SLC12A2: variants seen among roughly 807,000 people sequenced by gnomAD.
The protein encoded by SLC12A2 is solute carrier family 12 member 2.
In SLC12A2, 67 loss-of-function variants were observed where a neutral mutation model predicts 136.3. The ratio of observed to expected loss-of-function variants is 0.49; its 90% confidence interval spans 0.40 to 0.60. The LOEUF (loss-of-function observed/expected upper bound fraction) is 0.60, where lower values mean the gene tolerates loss of function less well. Ranked by LOEUF, SLC12A2 falls within the 20% of genes least tolerant of loss-of-function variation. The pLI, the probability that SLC12A2 is intolerant of heterozygous loss-of-function variation, is 0.00. For synonymous variants in SLC12A2, 619 were observed against 562.9 expected (o/e 1.10, Z -1.41); for missense variants, 1,322 against 1,534.7 (o/e 0.86, Z 2.32).
In SLC12A2 at chr5:128,119,444, A is replaced by G. The variant is rs534296346; in HGVS notation, c.1048+4763A>G. 3.9e-5 allele frequency among the ~76,000 whole-genome samples: 6 copies of G among 152,316 alleles called. 1 individual carries two copies. In the South Asian group the frequency reaches 1.2e-3, roughly 32 times the overall value. ...TAGTTTCAGCTTTCTACATGTGGCT[A>G]TCCAGTTTTCCCAGCACCATTTATT... On this transcript the variant is annotated intron_variant, in intron 4 of 26. Transcript: ENST00000262461.
At chr5:128,114,167 A>G (rs1477598334) in intron 2 of SLC12A2, 45 bp from the exon 3 acceptor site, 1 of 1,348,488 alleles carries the variant, frequency 7.4e-7, no homozygotes, top group Admixed American at 1.7e-5. Context: ...ATAATGTTTG[A>G]TTATTCTTCT....
At position 128,092,901 on chromosome 5, in the gene SLC12A2, C is replaced by A. The variant is rs574674897; in HGVS notation, c.756+8191C>A. ...ACTTCTGTTAAAGAAATTTGAGTAG[C>A]TTCTATCTGACAGAAAAAGCGGAAT... is the stretch of plus-strand genomic sequence containing the variant. On this transcript the variant is annotated intron_variant, in intron 1 of 26. Coordinates refer to ENST00000262461, the MANE Select transcript of SLC12A2 (RefSeq NM_001046.3). Among the ~76,000 whole-genome samples the A allele has an allele frequency of 9.2e-5, 14 of 152,260 alleles. 1 individual carries two copies. Among genetic ancestry groups the A allele is most frequent in the African/African-American group, 3.1e-4 (13 of 41,568 alleles).
At chr5:128,092,685 T>G (rs1272664225) in intron 1 of SLC12A2, among the ~76,000 whole-genome samples, 1 of 152,182 alleles carries the variant, frequency 6.6e-6, no homozygotes, top group Non-Finnish European at 1.5e-5. Flanking sequence ...AAACCCCGTG[T>G]GTTTTTCACA....
chr5:128,157,420 A>G (rs1359069295), intron 15 of SLC12A2, among the ~76,000 whole-genome samples: 1 of 152,204 alleles, frequency 6.6e-6, no homozygotes, highest in Non-Finnish European at 1.5e-5. Context: ...TTCTAGTTCA[A>G]GTAGAAATCT....
intron 5 of SLC12A2, among the ~76,000 whole-genome samples, chr5:128,133,556 T>G (rs1276386336): frequency 6.6e-6 from 1 of 152,100 alleles, no homozygotes; most frequent in Non-Finnish European, 1.5e-5. Context: ...AAATTATGTT[T>G]TAGTTTTTTT....
chr5:128,153,383 T>C (rs756024777), intron 15 of SLC12A2, among the ~76,000 whole-genome samples: 79 of 152,046 alleles, frequency 5.2e-4, no homozygotes, highest in Non-Finnish European at 7.5e-4. Flanking sequence ...GGTGAAACCT[T>C]GTCTCTACTA....
intron 10 of SLC12A2, among the ~76,000 whole-genome samples, chr5:128,142,395 G>C (rs935233501): frequency 6.6e-6 from 1 of 152,142 alleles, no homozygotes; most frequent in Admixed American, 6.6e-5. Context: ...GAGCCACTGC[G>C]TCTGGCCAGT....
At chr5:128,168,890 A>AT (rs1337144614) in intron 18 of SLC12A2, 1 of 152,130 alleles carries the variant, frequency 6.6e-6, no homozygotes, top group Non-Finnish European at 1.5e-5. Flanking sequence ...TGACCCAGGT[A>AT]TTGGGGACCC....
intron 1 of SLC12A2, among the ~76,000 whole-genome samples, chr5:128,099,789 AC>A (rs923133812): frequency 6.6e-6 from 1 of 152,112 alleles, no homozygotes; most frequent in Admixed American, 6.6e-5. Flanking sequence ...TATCACTTTC[AC>A]CCCCACACCT....
rs1763881058 is a variant in SLC12A2, at chr5:128,186,706, C to T, written c.*75C>T. ...GTAGTAACTGAAATCTTCAATGACA[C>T]ATTAACATCACAATGGCGAATGGTG... is the stretch of plus-strand genomic sequence containing the variant. On this transcript the variant is annotated 3_prime_UTR_variant, in exon 27 of 27. Transcript: ENST00000262461. 7.1e-7 allele frequency: 1 copy of T among 1,403,018 alleles called. No homozygotes were observed. The highest frequency in any genetic ancestry group is 1.3e-5 in the South Asian group (1 of 77,094). The allele number at this position is 1,403,018 out of a possible 1,614,324, so 86.9% of individuals were successfully genotyped here. A position where few individuals can be genotyped will look rare whatever the true frequency, so the allele number is the denominator to read the frequency against.
intron 18 of SLC12A2, chr5:128,169,927 A>G (rs1467851447): frequency 6.6e-6 from 1 of 152,170 alleles, no homozygotes; most frequent in Admixed American, 6.5e-5. Context: ...ATTCCTGTAC[A>G]TTAGGCAGCA....
At chr5:128,138,521 C>T in intron 7 of SLC12A2, 76 bp from the exon 8 acceptor site, 2 of 1,317,922 alleles carry the variant, frequency 1.5e-6, no homozygotes, top group Non-Finnish European at 2.1e-6. Flanking sequence ...GTCATGTATA[C>T]CTATTATTCT....
intron 17 of SLC12A2, among the ~76,000 whole-genome samples, chr5:128,162,927 A>G (rs2126735736): frequency 6.6e-6 from 1 of 152,194 alleles, no homozygotes; most frequent in East Asian, 1.9e-4. Context: ...TTCTTAAAAC[A>G]TTATGAGCTA....
intron 1 of SLC12A2, chr5:128,109,892 G>A: frequency 3.8e-6 from 3 of 793,564 alleles, no homozygotes; most frequent in South Asian, 2.7e-5. Context: ...TGAGAATTGT[G>A]ACTGGCCTTT....
rs70997362 is a variant in SLC12A2 at position 128,102,596 on chromosome 5, C to CTTTTTTTTTTTTTTTTTTTTTTTTTTTT, written c.757-10214_757-10187dup. On this transcript the variant is annotated intron_variant, in intron 1 of 26. Coordinates refer to ENST00000262461, the MANE Select transcript of SLC12A2 (RefSeq NM_001046.3). Reference sequence around the variant, plus strand: ...TTCTGTAATTCACCCCCCCCCCCGCCTTTTTTTTTTTTTTTTTTTTTTTTT... The same window carrying CTTTTTTTTTTTTTTTTTTTTTTTTTTTT: ...TTCTGTAATTCACCCCCCCCCCCGCCTTTTTTTTTTTTTTTTTTTTTTTTTTTTTTTTTTTTTTTTTTTTTTTTTTTTT... 7.4e-5 allele frequency among the ~76,000 whole-genome samples: 3 copies of CTTTTTTTTTTTTTTTTTTTTTTTTTTTT among 40,462 alleles called. 1 individual carries two copies. Among genetic ancestry groups the CTTTTTTTTTTTTTTTTTTTTTTTTTTTT allele is most frequent in the Non-Finnish European group, 9.7e-5 (2 of 20,548 alleles). 26.5% of individuals were successfully genotyped at this position (40,462 alleles called of 152,430 possible). A position where few individuals can be genotyped will look rare whatever the true frequency, so the allele number is the denominator to read the frequency against.
At chr5:128,138,291 G>A (rs1370563517) in intron 7 of SLC12A2, among the ~76,000 whole-genome samples, 1 of 151,910 alleles carries the variant, frequency 6.6e-6, no homozygotes, top group African/African-American at 2.4e-5. Context: ...GAGATTGAGG[G>A]GATTATCCAC....
At chr5:128,179,588 C>T (rs1048072231) in intron 22 of SLC12A2, among the ~76,000 whole-genome samples, 1 of 152,214 alleles carries the variant, frequency 6.6e-6, no homozygotes, top group African/African-American at 2.4e-5. Flanking sequence ...TTACTTATGG[C>T]AGAAGGCAAA....
Position 128,138,586 on chromosome 5 carries a change from G to C in SLC12A2, c.1409-11G>C, listed in dbSNP as rs1255380030. On this transcript the variant is annotated splice_polypyrimidine_tract_variant and intron_variant, in intron 7 of 26. Transcript: ENST00000262461. ...CTCCATTAATTGTCAAGAATATTTT[G>C]TTCTCTGCAGCTGAAATATTTAATG... 10 of 1,601,652 alleles carry C rather than the reference G, an allele frequency of 6.2e-6. No homozygotes were observed. The East Asian group carries it at 2.0e-4, about 32-fold the overall frequency.
chr5:128,090,694 TATGTGAGCAGG>T (rs982461132), intron 1 of SLC12A2, among the ~76,000 whole-genome samples: 1 of 152,088 alleles, frequency 6.6e-6, no homozygotes, highest in African/African-American at 2.4e-5. Context: ...AGACCTCTGA[TATGTGAGCAGG>T]CTCTAGAAAG....
Sources: gnomAD v4.1 joint callset for allele counts (sites outside exome capture counted in the v4.1 genomes callset) on GRCh38, gnomAD v4.1.1 for gene constraint, MANE v1.5 for transcripts, NCBI Gene and HGNC (gene_info 2026-07-23, HGNC 2026-07-21) for gene names.